PUM3: variants seen among roughly 807,000 people sequenced by gnomAD.
PUM3 encodes pumilio RNA binding family member 3, also known as pumilio homolog 3.
In PUM3, 91 loss-of-function variants were observed where a neutral mutation model predicts 84.0. The observed-to-expected ratio is 1.08, with a 90% confidence interval of 0.91 to 1.29. The LOEUF is 1.29. Ranked by LOEUF, PUM3 falls within the 50% of genes most tolerant of loss-of-function variation. PUM3 has a pLI of 0.00. For synonymous variants in PUM3, 321 were observed against 266.7 expected, an observed-to-expected ratio of 1.20 and a Z score of -1.98; for missense variants, 1,067 against 767.5, an observed-to-expected ratio of 1.39 and a Z score of -4.61.
intron 1 of PUM3, among the ~76,000 whole-genome samples, chr9:2,839,818 T>C (rs1227525455): frequency 1.3e-5 from 2 of 152,236 alleles, no homozygotes; most frequent in Non-Finnish European, 2.9e-5. Context: ...TTACATGTTT[T>C]CTCTGTATGT....
intron 1 of PUM3, among the ~76,000 whole-genome samples, chr9:2,842,217 CT>C (rs1224719133): frequency 6.6e-6 from 1 of 151,932 alleles, no homozygotes; most frequent in African/African-American, 2.4e-5. Flanking sequence ...CCCCTTTTTC[CT>C]TTCCCTCTAT....
At chr9:2,838,698 A>T (rs1179202121) in intron 1 of PUM3, among the ~76,000 whole-genome samples, 181 bp from the exon 2 acceptor site, 1 of 152,196 alleles carries the variant, frequency 6.6e-6, no homozygotes, top group East Asian at 1.9e-4. Flanking sequence ...CAAATTTTAA[A>T]ACTGAAAATG....
chr9:2,826,732 G>A (rs973626004), intron 10 of PUM3, among the ~76,000 whole-genome samples: 1 of 150,498 alleles, frequency 6.6e-6, no homozygotes, highest in African/African-American at 2.4e-5. Context: ...TTTTTTTTTT[G>A]TATTAGCACA....
At chr9:2,839,885 C>T (rs1425672005) in intron 1 of PUM3, among the ~76,000 whole-genome samples, 2 of 152,216 alleles carry the variant, frequency 1.3e-5, no homozygotes, top group Admixed American at 6.5e-5. Flanking sequence ...TGAAAAGATA[C>T]ACAGTTCACA....
At chr9:2,808,281 A>G (rs1821301340) in intron 16 of PUM3, among the ~76,000 whole-genome samples, 1 of 152,234 alleles carries the variant, frequency 6.6e-6, no homozygotes, top group South Asian at 2.1e-4. Flanking sequence ...CTTGGTTGAA[A>G]TCAAGTTCTT....
intron 16 of PUM3, among the ~76,000 whole-genome samples, chr9:2,808,600 G>A (rs2129785077): frequency 6.6e-6 from 1 of 152,286 alleles, no homozygotes; most frequent in South Asian, 2.1e-4. Context: ...CAGGTAGCAT[G>A]TACTATATAA....
At chr9:2,819,438 G>C (rs1821539751) in intron 13 of PUM3, among the ~76,000 whole-genome samples, 1 of 152,188 alleles carries the variant, frequency 6.6e-6, no homozygotes, top group African/African-American at 2.4e-5. Context: ...AAGGAAGCTA[G>C]AGTTTTAATT....
intron 8 of PUM3, 122 bp from the exon 9 acceptor site, chr9:2,828,900 C>T (rs1198611294): frequency 2.9e-6 from 2 of 679,048 alleles, no homozygotes; most frequent in Admixed American, 2.6e-5. Context: ...CCCATATTTA[C>T]ATAATGAAAG....
At chr9:2,834,604 G>A (rs1175497631) in intron 3 of PUM3, among the ~76,000 whole-genome samples, 3 of 152,126 alleles carry the variant, frequency 2.0e-5, no homozygotes, top group African/African-American at 7.2e-5. Context: ...TGTATATTAA[G>A]TCACTTATTT....
At chr9:2,827,192 G>A (rs368280912) in intron 9 of PUM3, 41 bp from the exon 10 acceptor site, 95 of 1,408,440 alleles carry the variant, frequency 6.7e-5, no homozygotes, top group African/African-American at 1.0e-4. Flanking sequence ...CAACAGATCT[G>A]GCACTACAGT....
In PUM3 at chr9:2,844,086, C is replaced by CCGCCTCTCCGCTTCCGCTTCCTTG; in HGVS notation, c.-53_-52insCAAGGAAGCGGAAGCGGAGAGGCG. 1 of 161,048 alleles carries CCGCCTCTCCGCTTCCGCTTCCTTG rather than the reference C, an allele frequency of 6.2e-6. No individual in the cohort carries two copies. Among genetic ancestry groups the CCGCCTCTCCGCTTCCGCTTCCTTG allele is most frequent in the Non-Finnish European group, 1.5e-5 (1 of 68,252 alleles). The allele number at this position is 161,048 out of a possible 1,614,324, so 10.0% of individuals were successfully genotyped here. ...AGACAGCTCGCGCAGCGGATCCCGA[C>CCGCCTCTCCGCTTCCGCTTCCTTG]CGCCTCTCCGCTTCCGCTTCCTTGC... On this transcript the variant is annotated 5_prime_UTR_variant, in exon 1 of 18. Coordinates refer to ENST00000397885, the MANE Select transcript of PUM3 (RefSeq NM_014878.5).
At chr9:2,813,537 C>T (rs1821410925) in intron 13 of PUM3, among the ~76,000 whole-genome samples, 1 of 152,144 alleles carries the variant, frequency 6.6e-6, no homozygotes. Flanking sequence ...CCTGGTCCTC[C>T]AACTCCAAAT....
intron 1 of PUM3, among the ~76,000 whole-genome samples, chr9:2,842,252 C>A (rs554501358): frequency 1.3e-5 from 2 of 152,266 alleles, no homozygotes; most frequent in East Asian, 3.9e-4. Context: ...CTCCTGTTAC[C>A]TCTTGCTCAG....
At chr9:2,805,803 C>A (rs1431641144) in intron 17 of PUM3, among the ~76,000 whole-genome samples, 1 of 151,620 alleles carries the variant, frequency 6.6e-6, no homozygotes, top group Non-Finnish European at 1.5e-5. Context: ...ATTTTTTTTA[C>A]CACCAAGAAA....
intron 17 of PUM3, among the ~76,000 whole-genome samples, chr9:2,805,387 C>G (rs950279744): frequency 6.6e-6 from 1 of 152,194 alleles, no homozygotes; most frequent in African/African-American, 2.4e-5. Context: ...CCTGAATTTC[C>G]TGTTCTCTTC....
chr9:2,830,983 A>G lies in PUM3; in HGVS notation c.656T>C (p.Val219Ala). The G allele has an allele frequency of 6.7e-7, 1 of 1,488,194 alleles. No individual in the cohort carries two copies. Among genetic ancestry groups the G allele is most frequent in the South Asian group, 1.2e-5 (1 of 86,214 alleles). The allele number at this position is 1,488,194 out of a possible 1,614,324, so 92.2% of individuals were successfully genotyped here. Residue 219 changes from valine (V) to alanine (A), a missense_variant, in exon 7 of 18, where the codon GTT becomes GCT. Transcript: ENST00000397885. ...LSKAKYSRNI[V>A]KKFLMYGSKP... is the part of the protein sequence containing the mutation. ...TTACCCATACATGAGAAATTTCTTA[A>G]CAATATTTCTCGAATATTTGGCTTT...
At chr9:2,838,590 A>C (rs1816192958) in intron 1 of PUM3, 73 bp from the exon 2 acceptor site, 11 of 882,318 alleles carry the variant, frequency 1.2e-5, no homozygotes, top group Admixed American at 5.6e-5. Flanking sequence ...TTTCATAGTC[A>C]TTGCCACATT....
chr9:2,814,584 C>A (rs752541918), intron 13 of PUM3, among the ~76,000 whole-genome samples: 3 of 152,046 alleles, frequency 2.0e-5, no homozygotes, highest in Non-Finnish European at 4.4e-5. Context: ...TTTAGTGTAC[C>A]TTTAGGTACC....
intron 1 of PUM3, among the ~76,000 whole-genome samples, chr9:2,843,060 C>T (rs1228019250): frequency 1.3e-5 from 2 of 152,176 alleles, no homozygotes; most frequent in Admixed American, 6.5e-5. Context: ...AAATGTAATA[C>T]ATTTTCTAAA....
Sources: allele counts gnomAD v4.1 joint callset (sites outside exome capture counted in the v4.1 genomes callset), GRCh38; gene constraint gnomAD v4.1.1; transcripts MANE v1.5; gene names NCBI Gene and HGNC (gene_info 2026-07-23, HGNC 2026-07-21).